The following RAB6B variants were observed in gnomAD, a reference collection of about 807,000 sequenced individuals.
RAB6B encodes the protein RAB6B, member RAS oncogene family, also known as ras-related protein Rab-6B.
Under a neutral mutation model 31.2 loss-of-function variants are expected in RAB6B, and 7 were observed. The ratio of observed to expected loss-of-function variants is 0.22; its 90% CI spans 0.13 to 0.42. The LOEUF is 0.42. Among genes scored for constraint, RAB6B ranks in the 10% least tolerant of loss-of-function variants. The pLI, the probability that RAB6B is intolerant of heterozygous loss-of-function variation, is 1.00. For synonymous variants in RAB6B, 105 were observed against 104.9 expected (o/e 1.00, Z -0.01); for missense variants, 149 against 280.6 (o/e 0.53, Z 3.35).
At chr3:133,875,198 C>T (rs1201070887) in intron 1 of RAB6B, among the ~76,000 whole-genome samples, 1 of 152,326 alleles carries the variant, frequency 6.6e-6, no homozygotes, top group African/African-American at 2.4e-5. Context: ...CTATGCAGCA[C>T]ATGACTATAT....
chr3:133,883,819 T>A (rs766014097), intron 1 of RAB6B, among the ~76,000 whole-genome samples: 1 of 152,246 alleles, frequency 6.6e-6, no homozygotes, highest in Non-Finnish European at 1.5e-5. Flanking sequence ...TAGGGACTTG[T>A]CCCTGGTGCA....
intron 7 of RAB6B, among the ~76,000 whole-genome samples, chr3:133,832,214 G>C (rs907905341): frequency 6.6e-6 from 1 of 152,186 alleles, no homozygotes; most frequent in South Asian, 2.1e-4. Context: ...TGGGGGTTGG[G>C]GGGTTGTGTA....
intron 2 of RAB6B, among the ~76,000 whole-genome samples, chr3:133,848,415 T>G (rs1214781441): frequency 6.6e-6 from 1 of 152,252 alleles, no homozygotes; most frequent in African/African-American, 2.4e-5. Flanking sequence ...TGACTATCCC[T>G]CATGCTTTCC....
chr3:133,837,689 T>G (rs932316347), intron 6 of RAB6B, among the ~76,000 whole-genome samples: 1 of 152,234 alleles, frequency 6.6e-6, no homozygotes, highest in African/African-American at 2.4e-5. Flanking sequence ...CGCCCTCCTG[T>G]GAGTTCCAAC....
At chr3:133,866,140 T>C (rs1936233721) in intron 1 of RAB6B, among the ~76,000 whole-genome samples, 1 of 152,270 alleles carries the variant, frequency 6.6e-6, no homozygotes, top group African/African-American at 2.4e-5. Flanking sequence ...TGGGAAATGC[T>C]TAAAAGTGGA....
intron 7 of RAB6B, 70 bp from the exon 8 acceptor site, chr3:133,828,922 G>C: frequency 7.3e-7 from 1 of 1,366,410 alleles, no homozygotes; most frequent in Admixed American, 2.3e-5. Context: ...CCTGTGCACT[G>C]TACCCTTTGG....
In RAB6B at chr3:133,838,122, C is replaced by T. The variant is rs745383255; in HGVS notation, c.495+44G>A. 1.1e-4 allele frequency: 30 copies of T among 283,452 alleles called. No homozygotes were observed. The African/African-American group carries it at 1.4e-3, about 13-fold the overall frequency. The allele number at this position is 283,452 out of a possible 1,614,324, so 17.6% of individuals were successfully genotyped here. ...CCTGCAGCTGACCACAGGGCTACAC[C>T]GTGCCGGGCCCCGTGCCGGGCCCCG... On this transcript the variant is annotated intron_variant, in intron 6 of 7. Transcript: ENST00000285208.
At chr3:133,877,641 T>C (rs540537729) in intron 1 of RAB6B, among the ~76,000 whole-genome samples, 1 of 151,514 alleles carries the variant, frequency 6.6e-6, no homozygotes, top group South Asian at 2.1e-4. Flanking sequence ...AGCAAGAAAA[T>C]AGACTCATAA....
intron 1 of RAB6B, among the ~76,000 whole-genome samples, chr3:133,874,125 G>A (rs1206924424): frequency 1.3e-5 from 2 of 152,142 alleles, no homozygotes; most frequent in Non-Finnish European, 2.9e-5. Flanking sequence ...CAGGCACACT[G>A]GTGTGAATTT....
rs1936605020 is a variant in RAB6B, at chr3:133,889,438, A to ATATATT, written c.70+5958_70+5959insAATATA. Among the ~76,000 whole-genome samples the ATATATT allele has an allele frequency of 5.7e-5, 4 of 70,784 alleles. 1 individual carries two copies. The highest frequency in any genetic ancestry group is 2.2e-4 in the African/African-American group (4 of 18,474). The allele number at this position is 70,784 out of a possible 152,430, so 46.4% of individuals were successfully genotyped here. A position where few individuals can be genotyped will look rare whatever the true frequency, so the allele number is the denominator to read the frequency against. ...TATATATATATATATATATATATAT[A>ATATATT]TATATATTTATTTTGGGATGGAGTT... is the stretch of plus-strand genomic sequence containing the variant. On this transcript the variant is annotated intron_variant, in intron 1 of 7. Coordinates refer to ENST00000285208, the MANE Select transcript of RAB6B (RefSeq NM_016577.4).
At chr3:133,864,983 G>T (rs928337386) in intron 1 of RAB6B, among the ~76,000 whole-genome samples, 1 of 152,252 alleles carries the variant, frequency 6.6e-6, no homozygotes, top group Non-Finnish European at 1.5e-5. Context: ...ATCAAGGTAA[G>T]TGGGTGCAAA....
At chr3:133,886,068 G>GGA (rs1936540707) in intron 1 of RAB6B, among the ~76,000 whole-genome samples, 1 of 152,054 alleles carries the variant, frequency 6.6e-6, no homozygotes, top group Non-Finnish European at 1.5e-5. Flanking sequence ...ACTCCCCCAG[G>GGA]CTCAACCCCT....
chr3:133,893,063 A>G (rs775383397), intron 1 of RAB6B, among the ~76,000 whole-genome samples: 13 of 152,334 alleles, frequency 8.5e-5, no homozygotes, highest in Admixed American at 2.6e-4. Flanking sequence ...CCAGCAGCCC[A>G]TCTCACTGAT....
In RAB6B at chr3:133,826,019, G is replaced by A. The variant is rs1244184250; in HGVS notation, c.*2769C>T. ...CTGTGCCAATTCTACCTGCAAGCAA[G>A]GGGACAGGGATGGTGCCTGCTCAAG... On this transcript the variant is annotated 3_prime_UTR_variant, in exon 8 of 8. Coordinates refer to ENST00000285208, the MANE Select transcript of RAB6B (RefSeq NM_016577.4). The A allele has an allele frequency of 1.3e-5, 2 of 152,240 alleles. No individual in the cohort carries two copies. The highest frequency in any genetic ancestry group is 2.9e-5 in the Non-Finnish European group (2 of 68,066). The allele number at this position is 152,240 out of a possible 1,614,324, so 9.4% of individuals were successfully genotyped here.
intron 2 of RAB6B, among the ~76,000 whole-genome samples, chr3:133,853,342 T>C (rs1047083871): frequency 1.3e-5 from 2 of 151,816 alleles, no homozygotes; most frequent in African/African-American, 4.8e-5. Context: ...AGTGTGGGGG[T>C]AGGGAGGGAG....
In RAB6B at chr3:133,891,007, G is replaced by A. The variant is rs76553688; in HGVS notation, c.70+4390C>T. ...CAGGAGTGGAAGTGAGCACCTAAGA[G>A]CAGGTAAGTCTGGAAATTGGTGGGA... On this transcript the variant is annotated intron_variant, in intron 1 of 7. Transcript: ENST00000285208. 2.0e-5 allele frequency among the ~76,000 whole-genome samples: 3 copies of A among 152,334 alleles called. No homozygotes were observed. In the East Asian group the frequency reaches 5.8e-4, roughly 29 times the overall value.
chr3:133,846,737 T>C (rs756065348), intron 2 of RAB6B, among the ~76,000 whole-genome samples: 4 of 152,244 alleles, frequency 2.6e-5, no homozygotes, highest in African/African-American at 9.6e-5. Context: ...AGAATTATAG[T>C]TGATTTATCA....
intron 7 of RAB6B, among the ~76,000 whole-genome samples, chr3:133,833,465 G>A (rs1279928933): frequency 6.6e-6 from 1 of 152,086 alleles, no homozygotes; most frequent in Non-Finnish European, 1.5e-5. Context: ...TCTGCTCTGA[G>A]AGCTCCTTGA....
Position 133,858,116 on chromosome 3 carries a change from C to G in RAB6B, c.129+6468G>C, listed in dbSNP as rs149090463. On this transcript the variant is annotated intron_variant, in intron 2 of 7. Transcript: ENST00000285208. The stretch of plus-strand genomic sequence containing the variant: ...CCCTCCATGGCGCACCCTTCCTACC[C>G]AGGGATCCCAACCCGCCCTCGGGCC... Among the ~76,000 whole-genome samples, 823 of 152,288 alleles carry G rather than the reference C, an allele frequency of 5.4e-3. 5 individuals are homozygous for G. Among genetic ancestry groups the G allele is most frequent in the South Asian group, 0.022 (105 of 4,826 alleles).
Sources: gnomAD v4.1 joint callset for allele counts (sites outside exome capture counted in the v4.1 genomes callset) on GRCh38, gnomAD v4.1.1 for gene constraint, MANE v1.5 for transcripts, NCBI Gene and HGNC (gene_info 2026-07-23, HGNC 2026-07-21) for gene names.